MYO1D: variants seen among roughly 807,000 people sequenced by gnomAD.
The protein encoded by MYO1D is myosin ID.
MYO1D carries 83 observed loss-of-function variants against 122.0 expected under a neutral mutation model. That is an observed-to-expected ratio of 0.68 (90% confidence interval 0.57 to 0.82). The LOEUF is 0.82. Among genes scored for constraint, MYO1D ranks in the 40% least tolerant of loss-of-function variants. MYO1D has a pLI of 0.00. For synonymous variants in MYO1D, 464 were observed against 446.9 expected, an observed-to-expected ratio of 1.04 and a Z score of -0.48; for missense variants, 1,157 against 1,269.5, an observed-to-expected ratio of 0.91 and a Z score of 1.35.
intron 21 of MYO1D, among the ~76,000 whole-genome samples, chr17:32,511,133 AAT>A (rs1292228105): frequency 6.6e-6 from 1 of 151,794 alleles, no homozygotes; most frequent in Admixed American, 6.6e-5. Flanking sequence ...CTCCCACATC[AAT>A]CAGAGGACAT....
At chr17:32,656,196 C>T (rs527783224) in intron 17 of MYO1D, among the ~76,000 whole-genome samples, 2 of 152,166 alleles carry the variant, frequency 1.3e-5, no homozygotes, top group Non-Finnish European at 2.9e-5. Flanking sequence ...GACGAATAAT[C>T]AAGGCCGGCT....
At chr17:32,495,308 G>C (rs938449306) in intron 21 of MYO1D, among the ~76,000 whole-genome samples, 1 of 150,330 alleles carries the variant, frequency 6.7e-6, no homozygotes, top group Admixed American at 6.6e-5. Flanking sequence ...GCCCCAGTGA[G>C]AGAGAGAGAG....
intron 20 of MYO1D, among the ~76,000 whole-genome samples, chr17:32,605,906 C>A (rs1222072999): frequency 6.6e-6 from 1 of 151,826 alleles, no homozygotes; most frequent in Non-Finnish European, 1.5e-5. Context: ...CATGGTGAAA[C>A]CCCATCTCTA....
intron 21 of MYO1D, among the ~76,000 whole-genome samples, chr17:32,501,757 T>C (rs1909327387): frequency 2.6e-5 from 4 of 152,250 alleles, no homozygotes; most frequent in Admixed American, 2.0e-4. Context: ...ATCTGCTGTT[T>C]ATCTGCATCC....
intron 16 of MYO1D, among the ~76,000 whole-genome samples, chr17:32,699,007 G>A (rs1159201662): frequency 6.6e-6 from 1 of 151,736 alleles, no homozygotes; most frequent in Non-Finnish European, 1.5e-5. Context: ...TTGCTCTGTC[G>A]CCCAGGTTGG....
At chr17:32,730,573 TG>T (rs1018371897) in intron 14 of MYO1D, among the ~76,000 whole-genome samples, 3 of 152,194 alleles carry the variant, frequency 2.0e-5, no homozygotes, top group Admixed American at 2.0e-4. Flanking sequence ...GCCTTTGTTC[TG>T]GAAAAAATGT....
chr17:32,628,076 G>T (rs893667090), intron 20 of MYO1D, among the ~76,000 whole-genome samples: 3 of 152,132 alleles, frequency 2.0e-5, no homozygotes, highest in South Asian at 2.1e-4. Context: ...AATTATGTAG[G>T]CTATTTCTTG....
chr17:32,781,512 T>C (rs1432818671), intron 1 of MYO1D, among the ~76,000 whole-genome samples: 1 of 152,196 alleles, frequency 6.6e-6, no homozygotes, highest in African/African-American at 2.4e-5. Context: ...AAAGTATATA[T>C]AATATGATTC....
intron 16 of MYO1D, among the ~76,000 whole-genome samples, chr17:32,707,071 G>A (rs2089318749): frequency 6.6e-6 from 1 of 152,030 alleles, no homozygotes; most frequent in South Asian, 2.1e-4. Context: ...TATTGAGAGT[G>A]AAAATTTTCA....
At chr17:32,706,543 T>C (rs1193051366) in intron 16 of MYO1D, among the ~76,000 whole-genome samples, 1 of 152,154 alleles carries the variant, frequency 6.6e-6, no homozygotes, top group East Asian at 1.9e-4. Context: ...AATAAAATGG[T>C]GAGTCCTGAA....
intron 16 of MYO1D, among the ~76,000 whole-genome samples, chr17:32,677,990 T>G (rs1422423016): frequency 6.6e-6 from 1 of 152,154 alleles, no homozygotes; most frequent in Non-Finnish European, 1.5e-5. Flanking sequence ...AGCATAGACA[T>G]AAACCCTGCT....
intron 16 of MYO1D, among the ~76,000 whole-genome samples, chr17:32,660,280 C>T (rs770907029): frequency 3.3e-5 from 5 of 152,212 alleles, no homozygotes; most frequent in Non-Finnish European, 5.9e-5. Context: ...ACTGTTCCAA[C>T]TCTTAGGTTG....
At position 32,822,715 on chromosome 17, in the gene MYO1D, C is replaced by T. The variant is rs1198223432; in HGVS notation, c.96-41931G>A. On this transcript the variant is annotated intron_variant, in intron 1 of 21. Coordinates refer to ENST00000318217, the MANE Select transcript of MYO1D (RefSeq NM_015194.3). ...CGTCCCTCCTCCTCTTTCCTCCGCACGGGTCGACCAGCAGACCGCGGGTGG... is the reference window on the plus strand; with the variant it reads ...CGTCCCTCCTCCTCTTTCCTCCGCATGGGTCGACCAGCAGACCGCGGGTGG... Among the ~76,000 whole-genome samples the T allele has an allele frequency of 4.0e-5, 6 of 151,168 alleles. No individual in the cohort carries two copies. In the East Asian group the frequency reaches 1.2e-3, roughly 30 times the overall value.
chr17:32,835,832 T>G (rs1027951609), intron 1 of MYO1D, among the ~76,000 whole-genome samples: 2 of 152,192 alleles, frequency 1.3e-5, no homozygotes, highest in Non-Finnish European at 2.9e-5. Context: ...GAATATTAAT[T>G]CCTTTGTTGT....
rs1192528622 is a variant in MYO1D at position 32,780,686 on chromosome 17, T to C, written c.194A>G (p.Gln65Arg). 2.5e-6 allele frequency: 4 copies of C among 1,614,186 alleles called. No individual in the cohort carries two copies. Among genetic ancestry groups the C allele is most frequent in the East Asian group, 2.2e-5 (1 of 44,888 alleles). ...LNIYGRDTIE[Q>R]YKGRELYERP... is the part of the protein sequence containing the mutation. Reference sequence around the variant, plus strand: ...CTCATACAGCTCACGGCCTTTATACTGCTCAATTGTGTCTCTTCCATAGAT... The same window carrying C: ...CTCATACAGCTCACGGCCTTTATACCGCTCAATTGTGTCTCTTCCATAGAT... Residue 65 changes from glutamine (Q) to arginine (R), a missense_variant, in exon 2 of 22, where the codon CAG (glutamine) becomes CGG (arginine). Transcript: ENST00000318217.
chr17:32,691,684 G>A (rs2089103274), intron 16 of MYO1D, among the ~76,000 whole-genome samples: 1 of 152,120 alleles, frequency 6.6e-6, no homozygotes, highest in Non-Finnish European at 1.5e-5. Context: ...GGGATTACAG[G>A]TGTGAGCCAC....
In MYO1D at chr17:32,832,258, C is replaced by T. The variant is rs190772911; in HGVS notation, c.95+44520G>A. On this transcript the variant is annotated intron_variant, in intron 1 of 21. Coordinates refer to ENST00000318217, the MANE Select transcript of MYO1D (RefSeq NM_015194.3). Reference sequence around the variant, plus strand: ...GACTCCACTGCTGGAACTACAGGCACGCACCACCACACCTGACTAATTTTT... The same window carrying T: ...GACTCCACTGCTGGAACTACAGGCATGCACCACCACACCTGACTAATTTTT... Among the ~76,000 whole-genome samples the T allele has an allele frequency of 2.7e-3, 414 of 151,496 alleles. 4 individuals carry two copies. The highest frequency in any genetic ancestry group is 8.5e-3 in the African/African-American group (352 of 41,350).
intron 21 of MYO1D, among the ~76,000 whole-genome samples, chr17:32,511,380 T>C (rs914700398): frequency 1.3e-5 from 2 of 152,122 alleles, no homozygotes; most frequent in Non-Finnish European, 2.9e-5. Context: ...TGTGCTACCA[T>C]GCCTGGCTAA....
chr17:32,562,478 C>T (rs2087134813), intron 21 of MYO1D, among the ~76,000 whole-genome samples: 1 of 151,762 alleles, frequency 6.6e-6, no homozygotes, highest in Non-Finnish European at 1.5e-5. Context: ...ATATTTCTTT[C>T]CTTTTAAATT....
Sources: gnomAD v4.1 joint callset for allele counts (sites outside exome capture counted in the v4.1 genomes callset) on GRCh38, gnomAD v4.1.1 for gene constraint, MANE v1.5 for transcripts, NCBI Gene and HGNC (gene_info 2026-07-23, HGNC 2026-07-21) for gene names.